The following SLC30A8 variants were observed in gnomAD, a reference collection of about 807,000 sequenced individuals.
SLC30A8 encodes the protein solute carrier family 30 member 8.
Under a neutral mutation model 36.9 loss-of-function variants are expected in SLC30A8, and 27 were observed. The ratio of observed to expected loss-of-function variants is 0.73; its 90% CI spans 0.54 to 1.01. The LOEUF (loss-of-function observed/expected upper bound fraction) is 1.01, where lower values mean the gene tolerates loss of function less well. Ranked by LOEUF, SLC30A8 falls within the 50% of genes least tolerant of loss-of-function variation. The pLI is 0.00. For missense variants in SLC30A8, 439 were observed against 452.0 expected, an observed-to-expected ratio of 0.97 and a Z score of 0.26; for synonymous variants, 164 against 172.4, an observed-to-expected ratio of 0.95 and a Z score of 0.38.
rs73314050 is a variant in SLC30A8, at chr8:117,053,624, A to G, written c.-226+14366A>G. Reference sequence around the variant, plus strand: ...AAATGGGGACAGTGAGGCTCTGACAAGCAAATCATGGTAGAACTGAGATTG... The same window carrying G: ...AAATGGGGACAGTGAGGCTCTGACAGGCAAATCATGGTAGAACTGAGATTG... On this transcript the variant is annotated intron_variant, in intron 2 of 10. Coordinates refer to the SLC30A8 transcript ENST00000427715. Among the ~76,000 whole-genome samples, 320 of 152,312 alleles carry G rather than the reference A, an allele frequency of 2.1e-3. 1 individual carries two copies. Among genetic ancestry groups the G allele is most frequent in the African/African-American group, 7.2e-3 (298 of 41,560 alleles).
At chr8:117,169,060 G>A (rs60590289) in intron 6 of SLC30A8, among the ~76,000 whole-genome samples, 10,428 of 152,084 alleles carry the variant, frequency 0.069, 958 homozygotes, top group African/African-American at 0.21. Context: ...TTATTATTAT[G>A]ACAATTTTAC....
At chr8:117,149,930 C>T (rs2130974800) in intron 2 of SLC30A8, among the ~76,000 whole-genome samples, 1 of 152,192 alleles carries the variant, frequency 6.6e-6, no homozygotes, top group East Asian at 1.9e-4. Flanking sequence ...CCCACACTCA[C>T]TCCCGCCAGG....
At chr8:117,009,745 G>T (rs907590646) in intron 1 of SLC30A8, among the ~76,000 whole-genome samples, 1 of 152,130 alleles carries the variant, frequency 6.6e-6, no homozygotes, top group Non-Finnish European at 1.5e-5. Context: ...TATGATGAAG[G>T]CCTTCTTCTC....
intron 2 of SLC30A8, among the ~76,000 whole-genome samples, chr8:117,121,279 G>T (rs1282735124): frequency 2.0e-5 from 3 of 151,922 alleles, no homozygotes; most frequent in South Asian, 4.1e-4. Context: ...TGAAAACATG[G>T]TATATACATA....
In SLC30A8 at chr8:117,174,944, G is replaced by A. The variant is rs544563501; in HGVS notation, c.*2263G>A. 1 of 152,068 alleles carries A rather than the reference G, an allele frequency of 6.6e-6. No homozygotes were observed. Among genetic ancestry groups the A allele is most frequent in the Admixed American group, 6.6e-5 (1 of 15,264 alleles). 9.4% of individuals were successfully genotyped at this position (152,068 alleles called of 1,614,324 possible). A position where few individuals can be genotyped will look rare whatever the true frequency, so the allele number is the denominator to read the frequency against. On this transcript the variant is annotated 3_prime_UTR_variant, in exon 8 of 8. Coordinates refer to ENST00000456015, the MANE Select transcript of SLC30A8 (RefSeq NM_173851.3). ...GATGAAAAAACAGATGCTACTCAGG[G>A]GCTTTATGAACCATCCATCAATTCT... is the stretch of plus-strand genomic sequence containing the variant.
chr8:117,072,837 C>CTT (rs59816392), intron 2 of SLC30A8, among the ~76,000 whole-genome samples: 212 of 139,786 alleles, frequency 1.5e-3, no homozygotes, highest in African/African-American at 5.3e-3. Context: ...AATCCTACTA[C>CTT]TTTTTTTTTT....
intron 4 of SLC30A8, among the ~76,000 whole-genome samples, chr8:117,161,064 A>C (rs1822767309): frequency 6.6e-6 from 1 of 152,206 alleles, no homozygotes; most frequent in Non-Finnish European, 1.5e-5. Context: ...GATCACTTTG[A>C]CTCAGACAAG....
chr8:117,135,398 G>A lies in SLC30A8; in HGVS notation c.71G>A (p.Ser24Asn), dbSNP rs1364809645. The A allele has an allele frequency of 3.2e-6, 5 of 1,577,760 alleles. No individual in the cohort carries two copies. The South Asian group carries it at 5.9e-5, about 19-fold the overall frequency. Residue 24 changes from serine (S) to asparagine (N), a missense_variant and splice_region_variant, in exon 1 of 8, where the codon AGT becomes AAT. Coordinates refer to ENST00000456015, the MANE Select transcript of SLC30A8 (RefSeq NM_173851.3). Reference protein sequence around the residue: ...AAKMYAFTLESVELQQKPVNK... With the variant: ...AAKMYAFTLENVELQQKPVNK... ...AAGATGTATGCTTTCACACTAGAAA[G>A]GTAATAGATGTCTGTGTCTGCTTCA... is the stretch of plus-strand genomic sequence containing the variant.
chr8:117,002,794 G>A (rs188232680), intron 1 of SLC30A8, among the ~76,000 whole-genome samples: 22 of 152,162 alleles, frequency 1.4e-4, no homozygotes, highest in Admixed American at 4.6e-4. Context: ...TACTAGAGAC[G>A]GGGTTTCACC....
At chr8:117,147,248 ATATTTTCTGT>A (rs750716409) in intron 2 of SLC30A8, 95 bp downstream of exon 2, 39 of 1,067,744 alleles carry the variant, frequency 3.7e-5, no homozygotes, top group Non-Finnish European at 4.9e-5. Context: ...GTAAGATTTA[ATATTTTCTGT>A]AAGTATAAGG....
chr8:117,088,502 T>A lies in SLC30A8; in HGVS notation c.-225-46778T>A, dbSNP rs190598280. 2.0e-5 allele frequency among the ~76,000 whole-genome samples: 3 copies of A among 152,280 alleles called. No individual in the cohort carries two copies. The East Asian group carries it at 5.8e-4, about 29-fold the overall frequency. ...TGCTACTTCGTAAGTATTCCATCACTGCCTCTCAAGTTCCGACAGTGAAAA... is the reference window on the plus strand; with the variant it reads ...TGCTACTTCGTAAGTATTCCATCACAGCCTCTCAAGTTCCGACAGTGAAAA... On this transcript the variant is annotated intron_variant, in intron 2 of 10. Transcript: ENST00000427715.
At chr8:117,154,313 T>C (rs1822361593) in intron 3 of SLC30A8, among the ~76,000 whole-genome samples, 3 of 151,414 alleles carry the variant, frequency 2.0e-5, no homozygotes, top group Admixed American at 2.0e-4. Context: ...TTCTATCAGC[T>C]GGAGGAGGTT....
intron 2 of SLC30A8, among the ~76,000 whole-genome samples, chr8:117,075,882 C>G (rs984786637): frequency 1.3e-5 from 2 of 152,092 alleles, no homozygotes; most frequent in African/African-American, 4.8e-5. Context: ...TTCCCTGTAC[C>G]CTCTGTCTCA....
upstream of SLC30A8, among the ~76,000 whole-genome samples, chr8:117,133,848 T>C (rs965061416): frequency 3.9e-5 from 6 of 151,972 alleles, no homozygotes; most frequent in African/African-American, 1.4e-4. Context: ...AGGATTTCAA[T>C]GCCTTCACTT....
intron 2 of SLC30A8, among the ~76,000 whole-genome samples, chr8:117,045,074 T>C (rs969921225): frequency 6.6e-6 from 1 of 152,218 alleles, no homozygotes; most frequent in African/African-American, 2.4e-5. Context: ...CTCCTTCTTT[T>C]GGAAAAGGCA....
At position 117,160,442 on chromosome 8, in the gene SLC30A8, C is replaced by T. The variant is rs372283256; in HGVS notation, c.573-1296C>T. 1.8e-4 allele frequency among the ~76,000 whole-genome samples: 21 copies of T among 117,590 alleles called. No homozygotes were observed. In the South Asian group the frequency reaches 4.7e-3, roughly 26 times the overall value. 77.1% of individuals were successfully genotyped at this position (117,590 alleles called of 152,430 possible). ...GTGTGTGTGTGTGTGTGTGCGCGCA[C>T]ATGTGCGCGCGGTGGGGGAGTGGGG... On this transcript the variant is annotated intron_variant, in intron 4 of 7. Coordinates refer to ENST00000456015, the MANE Select transcript of SLC30A8 (RefSeq NM_173851.3).
chr8:116,976,242 C>G (rs199546398), intron 1 of SLC30A8, among the ~76,000 whole-genome samples: 2 of 118,064 alleles, frequency 1.7e-5, no homozygotes, highest in Non-Finnish European at 3.8e-5. Context: ...AGTTCTCTCT[C>G]TTTTTTTTTT....
intron 2 of SLC30A8, among the ~76,000 whole-genome samples, chr8:117,059,964 G>C (rs1433629823): frequency 6.6e-6 from 1 of 151,936 alleles, no homozygotes; most frequent in East Asian, 1.9e-4. Flanking sequence ...GAGAAGGAGG[G>C]AACAGATACG....
chr8:117,006,587 C>A (rs1816177325), intron 1 of SLC30A8, among the ~76,000 whole-genome samples: 1 of 151,978 alleles, frequency 6.6e-6, no homozygotes, highest in Non-Finnish European at 1.5e-5. Flanking sequence ...ATTTCAGCCT[C>A]TCTATTGTAT....
Sources: allele counts gnomAD v4.1 joint callset (sites outside exome capture counted in the v4.1 genomes callset), GRCh38; gene constraint gnomAD v4.1.1; transcripts MANE v1.5; gene names NCBI Gene and HGNC (gene_info 2026-07-23, HGNC 2026-07-21).